The following EIF4E3 variants were observed in gnomAD, a reference collection of about 807,000 sequenced individuals.
The protein encoded by EIF4E3 is eukaryotic translation initiation factor 4E family member 3, also known as eukaryotic translation initiation factor 4E type 3.
A neutral mutation model predicts 31.7 loss-of-function variants in EIF4E3; 26 were observed. The observed-to-expected ratio is 0.82, with a 90% CI of 0.60 to 1.14. EIF4E3 has a LOEUF of 1.14. Ranked by LOEUF, EIF4E3 falls within the 50% of genes most tolerant of loss-of-function variation. The pLI, the probability that EIF4E3 is intolerant of heterozygous loss-of-function variation, is 0.00. For synonymous variants in EIF4E3, 128 were observed against 107.7 expected, an observed-to-expected ratio of 1.19 and a Z score of -1.17; for missense variants, 304 against 270.9, an observed-to-expected ratio of 1.12 and a Z score of -0.86.
At position 71,684,473 on chromosome 3, in the gene EIF4E3, A is replaced by T. The variant is rs181352857; in HGVS notation, c.*209T>A. The T allele has an allele frequency of 3.7e-4, 147 of 397,006 alleles. 1 individual carries two copies. Among genetic ancestry groups the T allele is most frequent in the Non-Finnish European group, 5.3e-4 (121 of 226,712 alleles). 24.6% of individuals were successfully genotyped at this position (397,006 alleles called of 1,614,324 possible). A position where few individuals can be genotyped will look rare whatever the true frequency, so the allele number is the denominator to read the frequency against. On this transcript the variant is annotated 3_prime_UTR_variant, in exon 7 of 7. Coordinates refer to ENST00000425534, the MANE Select transcript of EIF4E3 (RefSeq NM_001134651.2). ...AAAGTTTTTTGTGTGTGTTTTTTTT[A>T]AAAAGCAAGTAATGTGACGGTAGAA...
At chr3:71,753,479 CT>C (rs1359056843) in exon 1 of EIF4E3, 1 of 151,936 alleles carries the variant, frequency 6.6e-6, no homozygotes, top group Non-Finnish European at 1.5e-5. Flanking sequence ...CCAAACGCGA[CT>C]TGTCGCCACC....
Position 71,684,625 on chromosome 3 carries a change from T to C in EIF4E3, c.*57A>G. On this transcript the variant is annotated 3_prime_UTR_variant, in exon 7 of 7. Transcript: ENST00000425534. ...AGTCTTCTCTTCACTCTCCCTCCTG[T>C]TAAGACCGTTTCCAAAACCAATCAG... is the stretch of plus-strand genomic sequence containing the variant. 6.2e-7 allele frequency: 1 copy of C among 1,607,676 alleles called. No homozygotes were observed. The highest frequency in any genetic ancestry group is 1.1e-5 in the South Asian group (1 of 90,822).
chr3:71,687,000 TTTG>T (rs559966256), intron 6 of EIF4E3, among the ~76,000 whole-genome samples: 15 of 152,204 alleles, frequency 9.9e-5, no homozygotes, highest in Middle Eastern at 3.4e-3. Flanking sequence ...ATTATTATTA[TTTG>T]TTGTTGTTGT....
At chr3:71,714,530 G>T (rs184740608) in intron 1 of EIF4E3, among the ~76,000 whole-genome samples, 10 of 152,068 alleles carry the variant, frequency 6.6e-5, no homozygotes, top group African/African-American at 2.4e-4. Context: ...AATACTTGGC[G>T]GGCCAGAGGA....
At chr3:71,707,404 TAAGTAAA>T (rs2049308607) in intron 2 of EIF4E3, among the ~76,000 whole-genome samples, 1 of 152,148 alleles carries the variant, frequency 6.6e-6, no homozygotes, top group Non-Finnish European at 1.5e-5. Flanking sequence ...CAGTAACACT[TAAGTAAA>T]AGCTGGCCAC....
chr3:71,746,572 A>G (rs1559615959), intron 1 of EIF4E3, among the ~76,000 whole-genome samples: 1 of 152,206 alleles, frequency 6.6e-6, no homozygotes, highest in Non-Finnish European at 1.5e-5. Context: ...TCAGAAAGCC[A>G]TAACTAGGAG....
downstream of EIF4E3, among the ~76,000 whole-genome samples, chr3:71,671,716 A>C (rs1559580829): frequency 6.6e-6 from 1 of 152,136 alleles, no homozygotes; most frequent in Non-Finnish European, 1.5e-5. Flanking sequence ...ATCCCACGGT[A>C]TATAGATTTG....
intron 1 of EIF4E3, among the ~76,000 whole-genome samples, chr3:71,735,505 G>A (rs1381395304): frequency 2.6e-5 from 4 of 152,196 alleles, no homozygotes; most frequent in Non-Finnish European, 1.5e-5. Context: ...TCTGCAAGTT[G>A]AGGAGACTTG....
At chr3:71,699,844 A>G (rs192280387) in intron 2 of EIF4E3, 136 bp from the exon 3 acceptor site, 2 of 669,094 alleles carry the variant, frequency 3.0e-6, no homozygotes, top group South Asian at 1.9e-5. Flanking sequence ...TTTTCTCAGT[A>G]TCCCTTCTAA....
chr3:71,725,631 C>T (rs909517084), upstream of EIF4E3, among the ~76,000 whole-genome samples: 18 of 151,968 alleles, frequency 1.2e-4, no homozygotes, highest in Admixed American at 5.9e-4. This position sits in a 1 kb window ranked among gnomAD's most constrained non-coding sequence, Gnocchi z 6.1. Context: ...GGCGCGGGCC[C>T]AGCGTGGGAG....
chr3:71,708,339 G>A (rs905310397), intron 2 of EIF4E3, among the ~76,000 whole-genome samples: 8 of 152,144 alleles, frequency 5.3e-5, no homozygotes, highest in Non-Finnish European at 7.4e-5. Context: ...GCAGGGGCAC[G>A]AAGACACTTT....
the EIF4E3 span, among the ~76,000 whole-genome samples, chr3:71,660,145 C>G: frequency 0.15 from 22,339 of 151,944 alleles, 2,021 homozygotes; most frequent in African/African-American, 0.25. Flanking sequence ...GTGGGTAGGA[C>G]TTGGTGGGGG....
At position 71,684,571 on chromosome 3, in the gene EIF4E3, C is replaced by A; in HGVS notation, c.*111G>T. On this transcript the variant is annotated 3_prime_UTR_variant, in exon 7 of 7. Transcript: ENST00000425534. Reference sequence around the variant, plus strand: ...GCCCATCTGCAAGGACAGAAACCCACTCTAAATTGACCAGCATCGGCTTCG... The same window carrying A: ...GCCCATCTGCAAGGACAGAAACCCAATCTAAATTGACCAGCATCGGCTTCG... 7.4e-7 allele frequency: 1 copy of A among 1,353,930 alleles called. No homozygotes were observed. The highest frequency in any genetic ancestry group is 1.3e-5 in the South Asian group (1 of 77,954). The allele number at this position is 1,353,930 out of a possible 1,614,324, so 83.9% of individuals were successfully genotyped here.
chr3:71,753,379 T>G (rs1225742289), intron 1 of EIF4E3: 1 of 152,252 alleles, frequency 6.6e-6, no homozygotes, highest in African/African-American at 2.4e-5. Flanking sequence ...CTCTGAGGCC[T>G]CCCGACCCTG....
intron 1 of EIF4E3, among the ~76,000 whole-genome samples, chr3:71,730,860 G>C (rs896256057): frequency 3.3e-5 from 5 of 152,026 alleles, no homozygotes; most frequent in African/African-American, 1.2e-4. Flanking sequence ...TTCCCCAGTA[G>C]CTACAAGCAC....
chr3:71,706,715 G>A (rs2049298184), intron 2 of EIF4E3, among the ~76,000 whole-genome samples: 3 of 152,134 alleles, frequency 2.0e-5, no homozygotes. Context: ...AGATACTTGG[G>A]AGGAGGCTGG....
chr3:71,675,100 C>T (rs182667208), downstream of EIF4E3, among the ~76,000 whole-genome samples: 61 of 152,342 alleles, frequency 4.0e-4, no homozygotes, highest in Non-Finnish European at 2.4e-4. Flanking sequence ...GAACACCTAA[C>T]ATTCTGGTCA....
At position 71,694,057 on chromosome 3, in the gene EIF4E3, C is replaced by T. The variant is rs921309593; in HGVS notation, c.406-116G>A. ...TCAACTTCACATGCACTTTCTGTGCCCATACTTGGAGTCCACAGACACCTC... is the reference window on the plus strand; with the variant it reads ...TCAACTTCACATGCACTTTCTGTGCTCATACTTGGAGTCCACAGACACCTC... On this transcript the variant is annotated intron_variant, in intron 4 of 6. Transcript: ENST00000425534. 7 of 1,017,324 alleles carry T rather than the reference C, an allele frequency of 6.9e-6. No homozygotes were observed. The African/African-American group carries it at 9.8e-5, about 14-fold the overall frequency. 63.0% of individuals were successfully genotyped at this position (1,017,324 alleles called of 1,614,324 possible).
At position 71,680,272 on chromosome 3, in the gene EIF4E3, C is replaced by T. The variant is rs1425958250; in HGVS notation, c.*4410G>A. On this transcript the variant is annotated 3_prime_UTR_variant, in exon 7 of 7. Transcript: ENST00000425534. The stretch of plus-strand genomic sequence containing the variant: ...GGTTCTCCAAGAGCGATCTGAGCAC[C>T]ATCAGCATTAGAATCACTAGGGCAC... The T allele has an allele frequency of 6.6e-6, 1 of 152,104 alleles. No homozygotes were observed. Among genetic ancestry groups the T allele is most frequent in the Non-Finnish European group, 1.5e-5 (1 of 68,036 alleles). 9.4% of individuals were successfully genotyped at this position (152,104 alleles called of 1,614,324 possible).
Sources: gnomAD v4.1 joint callset for allele counts (sites outside exome capture counted in the v4.1 genomes callset) on GRCh38, gnomAD v4.1.1 for gene constraint, Gnocchi (gnomAD v3.1) non-coding constraint, MANE v1.5 for transcripts, NCBI Gene and HGNC (gene_info 2026-07-23, HGNC 2026-07-21) for gene names.